LRRCC1: variants seen among roughly 807,000 people sequenced by gnomAD.
LRRCC1 encodes leucine-rich repeat and coiled-coil domain-containing protein 1.
Under a neutral mutation model 126.0 loss-of-function variants are expected in LRRCC1, and 115 were observed. The ratio of observed to expected loss-of-function variants is 0.91; its 90% CI spans 0.78 to 1.07. The LOEUF is 1.07. Among genes scored for constraint, LRRCC1 ranks in the 50% least tolerant of loss-of-function variants. The pLI, the probability that LRRCC1 is intolerant of heterozygous loss-of-function variation, is 0.00. For missense variants in LRRCC1, 1,172 were observed against 1,175.7 expected (o/e 1.00, Z 0.05); for synonymous variants, 400 against 393.4 (o/e 1.02, Z -0.20).
chr8:85,122,252 T>C (rs1043650659), intron 6 of LRRCC1, among the ~76,000 whole-genome samples: 2 of 152,238 alleles, frequency 1.3e-5, no homozygotes, highest in African/African-American at 2.4e-5. Context: ...TTTGTATTTA[T>C]CCTGCTTGGG....
chr8:85,121,180 T>C (rs761773723), intron 6 of LRRCC1, among the ~76,000 whole-genome samples: 4 of 152,182 alleles, frequency 2.6e-5, no homozygotes, highest in African/African-American at 4.8e-5. Flanking sequence ...TTTAACCTGT[T>C]TGTGTCTTTA....
Position 85,138,346 on chromosome 8 carries a change from A to T in LRRCC1, c.2711A>T (p.Asn904Ile). ...ATTACTTCTCATATTAGTACACTGA[A>T]TCGGAAGTGGCATGATAAAGGAGAA... ...EEIRKAYSTL[N>I]RKWHDKGELL... The change falls in exon 17 of 19, where the codon AAT (asparagine) becomes ATT (isoleucine). Residue 904 changes from asparagine (N) to isoleucine (I), a missense_variant. Asn to Ile is a moderately radical substitution (Grantham distance 149). Transcript: ENST00000360375. The T allele has an allele frequency of 1.9e-6, 3 of 1,603,888 alleles. No individual in the cohort carries two copies. The highest frequency in any genetic ancestry group is 2.5e-6 in the Non-Finnish European group (3 of 1,176,984).
intron 11 of LRRCC1, among the ~76,000 whole-genome samples, chr8:85,130,672 G>A (rs1348407518): frequency 1.3e-5 from 2 of 152,074 alleles, no homozygotes; most frequent in Non-Finnish European, 2.9e-5. Context: ...TCTTTATATA[G>A]AGAGAAAATT....
Position 85,110,116 on chromosome 8 carries a change from A to G in LRRCC1, c.312A>G (p.Gly104=). The part of the protein sequence containing the change: ...LSCNLITKVE[G]LEELINLTRL... Reference sequence around the variant, plus strand: ...TTTTATTTTACTTTTTTTTTTTAGGACTTGAAGAACTAATTAATCTGACTA... The same window carrying G: ...TTTTATTTTACTTTTTTTTTTTAGGGCTTGAAGAACTAATTAATCTGACTA... Residue 104 remains glycine, a splice_region_variant and synonymous_variant, in exon 3 of 19, where the codon GGA becomes GGG. Coordinates refer to ENST00000360375, the MANE Select transcript of LRRCC1 (RefSeq NM_033402.5). 2 of 1,178,608 alleles carry G rather than the reference A, an allele frequency of 1.7e-6. No individual in the cohort carries two copies. Among genetic ancestry groups the G allele is most frequent in the Non-Finnish European group, 1.2e-6 (1 of 829,958 alleles). 73.0% of individuals were successfully genotyped at this position (1,178,608 alleles called of 1,614,324 possible).
At chr8:85,142,229 G>T (rs1490082947) in intron 18 of LRRCC1, among the ~76,000 whole-genome samples, 2 of 152,024 alleles carry the variant, frequency 1.3e-5, no homozygotes, top group East Asian at 1.9e-4. Flanking sequence ...GGAGGTGGAG[G>T]TTGCAGTGAG....
At chr8:85,136,023 G>A in intron 14 of LRRCC1, 60 bp downstream of exon 14, 1 of 1,350,456 alleles carries the variant, frequency 7.4e-7, no homozygotes, top group Non-Finnish European at 9.8e-7. Context: ...GCAAATCTGG[G>A]TATTGGAGAG....
At chr8:85,132,375 CTTTTTTTTT>C (rs551423793) in intron 12 of LRRCC1, among the ~76,000 whole-genome samples, 13 of 109,930 alleles carry the variant, frequency 1.2e-4, no homozygotes, top group Admixed American at 6.8e-4. Flanking sequence ...TGAGTACTTT[CTTTTTTTTT>C]TTTTTTTTTT....
chr8:85,120,887 G>C (rs183955743), intron 6 of LRRCC1, among the ~76,000 whole-genome samples: 1 of 151,926 alleles, frequency 6.6e-6, no homozygotes, highest in Admixed American at 6.6e-5. Flanking sequence ...TCTACTTTTG[G>C]TTATTATGAT....
At position 85,141,362 on chromosome 8, in the gene LRRCC1, G is replaced by T; in HGVS notation, c.2841-20G>T. The stretch of plus-strand genomic sequence containing the variant: ...CACCACATATACACATATATATGTG[G>T]ATGTTCTTGTTTTTTTAAGGAATGC... On this transcript the variant is annotated intron_variant, in intron 17 of 18. Coordinates refer to ENST00000360375, the MANE Select transcript of LRRCC1 (RefSeq NM_033402.5). The T allele has an allele frequency of 1.3e-6, 2 of 1,598,504 alleles. No homozygotes were observed. The highest frequency in any genetic ancestry group is 1.3e-5 in the African/African-American group (1 of 74,558).
At chr8:85,126,940 T>A in intron 9 of LRRCC1, 103 bp downstream of exon 9, 1 of 989,304 alleles carries the variant, frequency 1.0e-6, no homozygotes. Context: ...AACAACAATG[T>A]ATGTGGTTTT....
In LRRCC1 at chr8:85,131,741, T is replaced by C. The variant is rs760406857; in HGVS notation, c.1767-19T>C. 6.3e-7 allele frequency: 1 copy of C among 1,587,696 alleles called. No individual in the cohort carries two copies. The highest frequency in any genetic ancestry group is 8.6e-7 in the Non-Finnish European group (1 of 1,165,298). On this transcript the variant is annotated intron_variant, in intron 11 of 18. Coordinates refer to ENST00000360375, the MANE Select transcript of LRRCC1 (RefSeq NM_033402.5). ...CAGGTGAGTATCATCCTTTTATCTT[T>C]ATATGTTTTTCACTCCAGGAAGGAA...
intron 6 of LRRCC1, among the ~76,000 whole-genome samples, chr8:85,119,974 C>A (rs1450954397): frequency 6.6e-6 from 1 of 152,100 alleles, no homozygotes; most frequent in Admixed American, 6.6e-5. Context: ...TTTGTGATTT[C>A]TTCCTTGATC....
Position 85,119,075 on chromosome 8 carries a change from C to T in LRRCC1, c.930+3491C>T, listed in dbSNP as rs116858705. On this transcript the variant is annotated intron_variant, in intron 6 of 18. Coordinates refer to ENST00000360375, the MANE Select transcript of LRRCC1 (RefSeq NM_033402.5). Reference sequence around the variant, plus strand: ...CTCAGTACCATTTGTAGAAAAGGCTCTTCTTTTCACTAAATTTCTTTAATG... The same window carrying T: ...CTCAGTACCATTTGTAGAAAAGGCTTTTCTTTTCACTAAATTTCTTTAATG... 5.4e-3 allele frequency among the ~76,000 whole-genome samples: 814 copies of T among 151,904 alleles called. 3 individuals are homozygous for T. The highest frequency in any genetic ancestry group is 9.7e-3 in the Non-Finnish European group (660 of 67,936).
In LRRCC1 at chr8:85,123,404, A is replaced by T. The variant is rs768997085; in HGVS notation, c.931-9A>T. The T allele has an allele frequency of 6.4e-7, 1 of 1,563,836 alleles. No individual in the cohort carries two copies. Among genetic ancestry groups the T allele is most frequent in the Non-Finnish European group, 8.6e-7 (1 of 1,161,314 alleles). On this transcript the variant is annotated splice_polypyrimidine_tract_variant and intron_variant, in intron 6 of 18. Coordinates refer to ENST00000360375, the MANE Select transcript of LRRCC1 (RefSeq NM_033402.5). ...TTTTAACAAATTTTGTTGGCTTTTT[A>T]AATTTTAGACTTCTAATTCAATAGA...
rs36102162 is a variant in LRRCC1 at position 85,135,765 on chromosome 8, A to AT, written c.2155-13dup. 5.0e-3 allele frequency: 5,556 copies of AT among 1,111,244 alleles called. 2 individuals carry two copies. Among genetic ancestry groups the AT allele is most frequent in the East Asian group, 0.011 (331 of 29,678 alleles). 68.8% of individuals were successfully genotyped at this position (1,111,244 alleles called of 1,614,324 possible). The stretch of plus-strand genomic sequence containing the variant: ...TAAAGCACTTAATATAATAATTCTT[A>AT]TTTTTTTTTTTGGGAATATACAGAA... On this transcript the variant is annotated intron_variant, in intron 13 of 18. Transcript: ENST00000360375.
chr8:85,115,288 CTT>C lies in LRRCC1; in HGVS notation c.720+21_720+22del. The C allele has an allele frequency of 6.4e-7, 1 of 1,561,656 alleles. No homozygotes were observed. The highest frequency in any genetic ancestry group is 2.2e-5 in the East Asian group (1 of 44,464). On this transcript the variant is annotated intron_variant, in intron 5 of 18. Coordinates refer to ENST00000360375, the MANE Select transcript of LRRCC1 (RefSeq NM_033402.5). ...AAGTGAAGATGAGGTATAGTATTTA[CTT>C]TTTTTTTCCTAATATAAAAAATACC...
intron 11 of LRRCC1, among the ~76,000 whole-genome samples, chr8:85,131,516 C>T (rs1474965019): frequency 6.6e-6 from 1 of 152,152 alleles, no homozygotes; most frequent in Non-Finnish European, 1.5e-5. Flanking sequence ...TAGAATGATT[C>T]TGAACTATCT....
intron 7 of LRRCC1, 117 bp from the exon 8 acceptor site, chr8:85,124,675 T>G (rs1007166945): frequency 3.6e-6 from 2 of 561,018 alleles, no homozygotes; most frequent in African/African-American, 3.9e-5. Context: ...GTTACTATAA[T>G]TTTATTAATA....
intron 12 of LRRCC1, among the ~76,000 whole-genome samples, chr8:85,133,258 C>T (rs1810615449): frequency 6.6e-6 from 1 of 152,174 alleles, no homozygotes. Flanking sequence ...TCTCCTCTTC[C>T]ATACTCTTTC....
Sources: gnomAD v4.1 joint callset for allele counts (sites outside exome capture counted in the v4.1 genomes callset) on GRCh38, gnomAD v4.1.1 for gene constraint, MANE v1.5 for transcripts, NCBI Gene and HGNC (gene_info 2026-07-23, HGNC 2026-07-21) for gene names.